The following ARSB variants were observed in gnomAD, a reference collection of about 807,000 sequenced individuals.
ARSB encodes arylsulfatase B.
ARSB carries 41 observed loss-of-function variants against 50.9 expected under a neutral mutation model. The ratio of observed to expected loss-of-function variants is 0.81; its 90% CI spans 0.63 to 1.04. The LOEUF (loss-of-function observed/expected upper bound fraction) is 1.04. Among genes scored for constraint, ARSB ranks in the 50% least tolerant of loss-of-function variants. ARSB has a pLI of 0.00. For synonymous variants in ARSB, 269 were observed against 284.8 expected, an observed-to-expected ratio of 0.94 and a Z score of 0.56; for missense variants, 672 against 693.3, an observed-to-expected ratio of 0.97 and a Z score of 0.35.
At chr5:78,801,344 C>T (rs942075021) in intron 6 of ARSB, among the ~76,000 whole-genome samples, 2 of 152,062 alleles carry the variant, frequency 1.3e-5, no homozygotes, top group African/African-American at 4.8e-5. Context: ...AGAGCCTAGT[C>T]GGGGAAGTAC....
chr5:78,794,560 CAAA>C (rs1472673838), intron 6 of ARSB, among the ~76,000 whole-genome samples: 2 of 151,698 alleles, frequency 1.3e-5, no homozygotes, highest in South Asian at 2.1e-4. Context: ...AAACAGAAAA[CAAA>C]GAAGAGAGGT....
chr5:78,970,625 T>G (rs1654917019), intron 1 of ARSB, among the ~76,000 whole-genome samples: 1 of 152,208 alleles, frequency 6.6e-6, no homozygotes, highest in Middle Eastern at 3.4e-3. Context: ...AGGGAGACAG[T>G]GACAGAGGTG....
At chr5:78,935,844 G>C (rs1167376088) in intron 4 of ARSB, among the ~76,000 whole-genome samples, 2 of 151,898 alleles carry the variant, frequency 1.3e-5, no homozygotes, top group Non-Finnish European at 2.9e-5. Context: ...AGTGAGTGTT[G>C]GACTCAGGCC....
intron 5 of ARSB, among the ~76,000 whole-genome samples, chr5:78,846,064 T>C (rs539756111): frequency 5.3e-5 from 8 of 152,300 alleles, no homozygotes; most frequent in African/African-American, 1.9e-4. Context: ...TTATATATGG[T>C]GAGAGATACA....
At chr5:78,883,246 C>T (rs17819603) in intron 5 of ARSB, 1 of 152,176 alleles carries the variant, frequency 6.6e-6, no homozygotes, top group East Asian at 1.9e-4. Flanking sequence ...TGAATGAGCA[C>T]ATAATGAGCA....
intron 5 of ARSB, among the ~76,000 whole-genome samples, chr5:78,861,497 A>C (rs1746435951): frequency 1.3e-5 from 2 of 152,212 alleles, no homozygotes; most frequent in South Asian, 4.1e-4. Context: ...TATAAACAGA[A>C]CCAAACACAA....
intron 4 of ARSB, among the ~76,000 whole-genome samples, chr5:78,946,476 T>G (rs1751238213): frequency 6.6e-6 from 1 of 151,848 alleles, no homozygotes. Flanking sequence ...CAGTGAACAA[T>G]CAGAAAAAGA....
At chr5:78,817,547 A>C (rs574495388) in intron 6 of ARSB, among the ~76,000 whole-genome samples, 1 of 152,272 alleles carries the variant, frequency 6.6e-6, no homozygotes, top group African/African-American at 2.4e-5. Flanking sequence ...GGTGGCTCAC[A>C]CCTGTACTCC....
chr5:78,892,665 T>G (rs1344375832), intron 4 of ARSB, among the ~76,000 whole-genome samples: 3 of 152,162 alleles, frequency 2.0e-5, no homozygotes, highest in Non-Finnish European at 2.9e-5. Context: ...TCTGTTCCCA[T>G]GAGTTTAAAT....
At chr5:78,940,242 T>C (rs1750843360) in intron 4 of ARSB, among the ~76,000 whole-genome samples, 1 of 152,240 alleles carries the variant, frequency 6.6e-6, no homozygotes, top group South Asian at 2.1e-4. Context: ...GCCTGTTCAC[T>C]CTGATGGTAG....
chr5:78,889,055 C>T (rs936133543), intron 4 of ARSB, among the ~76,000 whole-genome samples: 11 of 152,086 alleles, frequency 7.2e-5, no homozygotes, highest in African/African-American at 2.7e-4. Context: ...GGCACCTGGC[C>T]GATGGTTGCC....
intron 3 of ARSB, among the ~76,000 whole-genome samples, chr5:78,959,023 C>G (rs919334381): frequency 6.6e-6 from 1 of 152,140 alleles, no homozygotes; most frequent in African/African-American, 2.4e-5. Context: ...GGCTGTGTCC[C>G]CACCCAAATT....
At chr5:78,825,311 T>C (rs963969855) in intron 6 of ARSB, among the ~76,000 whole-genome samples, 5 of 152,248 alleles carry the variant, frequency 3.3e-5, no homozygotes, top group Admixed American at 3.3e-4. Flanking sequence ...TGGGCATCTT[T>C]TTCCTTTCTT....
chr5:78,815,793 G>T, intron 6 of ARSB: 1 of 1,249,946 alleles, frequency 8.0e-7, no homozygotes, highest in Non-Finnish European at 1.0e-6. Context: ...GTAACACAAA[G>T]AACTTTGGTC....
chr5:78,859,581 T>A (rs1746327543), intron 5 of ARSB, among the ~76,000 whole-genome samples: 1 of 152,160 alleles, frequency 6.6e-6, no homozygotes, highest in African/African-American at 2.4e-5. Flanking sequence ...TTTTCACTAA[T>A]GCCAATGCTG....
chr5:78,972,212 TACCAAAGGTC>T (rs1174780519), intron 1 of ARSB, among the ~76,000 whole-genome samples: 2 of 152,182 alleles, frequency 1.3e-5, no homozygotes, highest in East Asian at 3.9e-4. Flanking sequence ...TGAGTCTCTC[TACCAAAGGTC>T]ACTCTGGAAG....
intron 5 of ARSB, among the ~76,000 whole-genome samples, chr5:78,867,565 C>T (rs956322821): frequency 6.6e-5 from 10 of 151,928 alleles, no homozygotes; most frequent in Non-Finnish European, 1.5e-4. Context: ...CACACTGACA[C>T]CTCACACGGC....
chr5:78,862,105 G>A (rs1032192151), intron 5 of ARSB, among the ~76,000 whole-genome samples: 11 of 152,258 alleles, frequency 7.2e-5, no homozygotes, highest in Non-Finnish European at 1.6e-4. Context: ...ACTGCTCAAC[G>A]AAATAAAAGA....
intron 4 of ARSB, among the ~76,000 whole-genome samples, chr5:78,949,877 T>C (rs562388895): frequency 6.6e-6 from 1 of 151,982 alleles, no homozygotes; most frequent in South Asian, 2.1e-4. Flanking sequence ...GCTACTGTAC[T>C]CCAGCCTGAG....
Sources: allele counts gnomAD v4.1 joint callset (sites outside exome capture counted in the v4.1 genomes callset), GRCh38; gene constraint gnomAD v4.1.1; transcripts MANE v1.5; gene names NCBI Gene and HGNC (gene_info 2026-07-23, HGNC 2026-07-21).